The following RBFOX1 variants were observed in gnomAD, a reference collection of about 807,000 sequenced individuals.
RBFOX1 encodes RNA binding fox-1 homolog 1, also known as RNA binding protein fox-1 homolog 1.
Under a neutral mutation model 57.7 loss-of-function variants are expected in RBFOX1, and 8 were observed. The observed-to-expected ratio is 0.14, with a 90% CI of 0.08 to 0.25. The LOEUF is 0.25. RBFOX1 is among the 10% of genes least tolerant of loss of function. The pLI is 1.00. For missense variants in RBFOX1, 611 were observed against 548.5 expected (o/e 1.11, Z -1.14); for synonymous variants, 326 against 222.4 (o/e 1.47, Z -4.15).
chr16:7,204,208 A>G (rs770036807), intron 4 of RBFOX1, among the ~76,000 whole-genome samples: 2 of 152,176 alleles, frequency 1.3e-5, no homozygotes, highest in East Asian at 1.9e-4. Context: ...TCAATGAACC[A>G]TCTCATCCTA....
At chr16:6,874,810 A>G (rs1603635231) in intron 3 of RBFOX1, among the ~76,000 whole-genome samples, 1 of 152,142 alleles carries the variant, frequency 6.6e-6, no homozygotes, top group East Asian at 1.9e-4. Context: ...ATAAAAGACT[A>G]CATACTGATT....
chr16:5,712,031 A>T (rs533184156), intron 3 of RBFOX1, among the ~76,000 whole-genome samples: 2 of 152,354 alleles, frequency 1.3e-5, no homozygotes, highest in South Asian at 4.1e-4. Context: ...ACTTACAATT[A>T]TGATGGAAGG....
Position 6,019,191 on chromosome 16 carries a change from C to G in RBFOX1, c.-928C>G, listed in dbSNP as rs1045428849. The G allele has an allele frequency of 7.1e-6, 7 of 985,180 alleles. No individual in the cohort carries two copies. The highest frequency in any genetic ancestry group is 1.1e-4 in the East Asian group (1 of 8,756). 61.0% of individuals were successfully genotyped at this position (985,180 alleles called of 1,614,324 possible). On this transcript the variant is annotated 5_prime_UTR_variant, in exon 1 of 16. Transcript: ENST00000550418. This position sits in a 1 kb window ranked among gnomAD's most constrained non-coding sequence, Gnocchi z 4.2. ...TTTACTGGAAGATTTCCTCTTTATT[C>G]TCTCCCGCCCTCCTACAAGCGCTCT...
At chr16:7,213,501 T>A (rs567879963) in intron 4 of RBFOX1, among the ~76,000 whole-genome samples, 1 of 152,192 alleles carries the variant, frequency 6.6e-6, no homozygotes, top group East Asian at 1.9e-4. Flanking sequence ...TGAATGAGTA[T>A]TTAGTAAAGA....
At chr16:7,363,296 T>C (rs1014615315) in intron 4 of RBFOX1, among the ~76,000 whole-genome samples, 1 of 152,114 alleles carries the variant, frequency 6.6e-6, no homozygotes, top group Admixed American at 6.6e-5. Context: ...TGTTGAGAAA[T>C]CCTGTCTCCC....
At chr16:6,360,962 T>G (rs2088381622) in intron 2 of RBFOX1, among the ~76,000 whole-genome samples, 1 of 151,910 alleles carries the variant, frequency 6.6e-6, no homozygotes, top group African/African-American at 2.4e-5. Context: ...TATTTTATTT[T>G]ATTTTATTTT....
chr16:6,859,250 G>T (rs1278301921), intron 3 of RBFOX1, among the ~76,000 whole-genome samples: 1 of 144,802 alleles, frequency 6.9e-6, no homozygotes, highest in Non-Finnish European at 1.5e-5. Context: ...ACATGATTCT[G>T]ACTCTTTATA....
chr16:6,742,892 G>C (rs143845931), intron 3 of RBFOX1, among the ~76,000 whole-genome samples: 2 of 152,130 alleles, frequency 1.3e-5, no homozygotes, highest in Admixed American at 6.5e-5. Flanking sequence ...AATTAGTTCT[G>C]TATTGTATTG....
At chr16:6,440,787 C>T (rs138699838) in intron 2 of RBFOX1, among the ~76,000 whole-genome samples, 8 of 130,290 alleles carry the variant, frequency 6.1e-5, no homozygotes, top group Middle Eastern at 4.4e-3. Flanking sequence ...GGTGACAGAG[C>T]GAGACACCAT....
At chr16:7,278,656 T>G (rs576108923) in intron 4 of RBFOX1, among the ~76,000 whole-genome samples, 1 of 152,378 alleles carries the variant, frequency 6.6e-6, no homozygotes, top group South Asian at 2.1e-4. Flanking sequence ...CTGCAATTCA[T>G]ATCAAAAAGT....
At chr16:5,252,114 C>A (rs1481297965) in intron 1 of RBFOX1, among the ~76,000 whole-genome samples, 1 of 152,138 alleles carries the variant, frequency 6.6e-6, no homozygotes, top group South Asian at 2.1e-4. Context: ...GCCAGGTGAC[C>A]CTCTGTTTAC....
chr16:6,008,142 T>C (rs1211344357), intron 4 of RBFOX1, among the ~76,000 whole-genome samples: 1 of 151,790 alleles, frequency 6.6e-6, no homozygotes, highest in East Asian at 1.9e-4. Flanking sequence ...CAGGCAGAGG[T>C]TGCAGTGAGT....
At chr16:5,849,690 G>A (rs929146671) in intron 3 of RBFOX1, among the ~76,000 whole-genome samples, 1 of 152,106 alleles carries the variant, frequency 6.6e-6, no homozygotes, top group Non-Finnish European at 1.5e-5. Context: ...CCGAGGCATC[G>A]GCAAGTATTT....
chr16:6,440,010 CA>C lies in RBFOX1; in HGVS notation c.-64+122954del, dbSNP rs570505564. 3.2e-4 allele frequency among the ~76,000 whole-genome samples: 48 copies of C among 151,692 alleles called. 2 individuals are homozygous for C. The East Asian group carries it at 9.0e-3, about 29-fold the overall frequency. On this transcript the variant is annotated intron_variant, in intron 2 of 15. Transcript: ENST00000550418. ...TCACCCAGGCTGGAGTGCCTCAGCT[CA>C]CTGCAACTTCCTTCTCCTGGGTTCA...
At chr16:6,681,436 C>CT (rs760788873) in intron 3 of RBFOX1, among the ~76,000 whole-genome samples, 5 of 152,120 alleles carry the variant, frequency 3.3e-5, no homozygotes, top group Non-Finnish European at 4.4e-5. Context: ...GCCTGGCAAG[C>CT]TGTGTGAAGA....
intron 3 of RBFOX1, among the ~76,000 whole-genome samples, chr16:6,909,281 G>C (rs1218951187): frequency 6.6e-6 from 1 of 152,136 alleles, no homozygotes; most frequent in Non-Finnish European, 1.5e-5. Flanking sequence ...GTGGCCTTCA[G>C]ACTCCAGCCC....
At chr16:5,306,678 C>A (rs553185524) in intron 1 of RBFOX1, among the ~76,000 whole-genome samples, 1 of 152,148 alleles carries the variant, frequency 6.6e-6, no homozygotes, top group Admixed American at 6.5e-5. Flanking sequence ...CAATGCTCTG[C>A]GGAGCAAGGT....
At position 7,065,420 on chromosome 16, in the gene RBFOX1, C is replaced by T. The variant is rs928226606; in HGVS notation, c.27+13322C>T. ...CATCTCCAAGCACCCTGCCTCGTTC[C>T]TCTGTCCACATGCTCCATGGTTTTG... is the stretch of plus-strand genomic sequence containing the variant. On this transcript the variant is annotated intron_variant, in intron 4 of 15. Transcript: ENST00000550418. Among the ~76,000 whole-genome samples the T allele has an allele frequency of 1.3e-5, 2 of 152,172 alleles. 1 individual carries two copies. The highest frequency in any genetic ancestry group is 1.3e-4 in the Admixed American group (2 of 15,274).
intron 3 of RBFOX1, among the ~76,000 whole-genome samples, chr16:7,046,134 CCTCAGT>C (rs1423099901): frequency 2.0e-5 from 3 of 151,928 alleles, no homozygotes; most frequent in Non-Finnish European, 4.4e-5. Context: ...GAAGCATTGC[CCTCAGT>C]CTTTAATTGC....
Sources: allele counts gnomAD v4.1 joint callset (sites outside exome capture counted in the v4.1 genomes callset), GRCh38; gene constraint gnomAD v4.1.1; non-coding constraint Gnocchi (gnomAD v3.1); transcripts MANE v1.5; gene names NCBI Gene and HGNC (gene_info 2026-07-23, HGNC 2026-07-21).